Variants in CROCC2 observed in about 807,000 individuals in gnomAD.
CROCC2 encodes ciliary rootlet coiled-coil protein 2.
A neutral mutation model predicts 177.6 loss-of-function variants in CROCC2; 163 were observed. The ratio of observed to expected loss-of-function variants is 0.92; its 90% CI spans 0.81 to 1.05. The LOEUF (loss-of-function observed/expected upper bound fraction) is 1.05, where lower values mean the gene tolerates loss of function less well. CROCC2 is among the 50% of genes least tolerant of loss of function. The probability of loss-of-function intolerance (pLI) is 0.00; values close to 1 mark genes in which losing one functional copy is unlikely to be tolerated. For missense variants in CROCC2, 1,929 were observed against 1,797.8 expected (o/e 1.07, Z -1.32); for synonymous variants, 904 against 787.3 (o/e 1.15, Z -2.48).
rs191560142 is a variant in CROCC2, at chr2:240,983,011, G to A, written c.4533G>A (p.Ser1511=). 86 of 1,550,300 alleles carry A rather than the reference G, an allele frequency of 5.5e-5. No individual in the cohort carries two copies. The African/African-American group carries it at 7.1e-4, about 13-fold the overall frequency. ...LEHRCQKAEV[S]LEPLRQMEQE... ...ACAGGTGCCAGAAGGCTGAGGTATC[G>A]CTGGAGCCCCTGCGACAGGTGAGGG... Residue 1511 remains serine (S), a synonymous_variant, in exon 28 of 32, where the codon TCG becomes TCA. Coordinates refer to ENST00000690015, the MANE Select transcript of CROCC2 (RefSeq NM_001351305.2).
chr2:240,920,271 C>T (rs551499771), intron 3 of CROCC2, 137 bp downstream of exon 3: 4 of 580,400 alleles, frequency 6.9e-6, no homozygotes, highest in East Asian at 5.9e-5. Context: ...GTGTCAGCCA[C>T]GTGACATTCA....
rs6761629 is a variant in CROCC2 at position 240,958,026 on chromosome 2, G to A, written c.2944-1275G>A. The A allele has an allele frequency of 9.7e-3, 9,523 of 985,376 alleles. 573 individuals are homozygous for A. In the African/African-American group the frequency reaches 0.14, roughly 14 times the overall value. 61.0% of individuals were successfully genotyped at this position (985,376 alleles called of 1,614,324 possible). ...CTTGAGCTGGCCCTGAGTCTCCCCC[G>A]GACTCGGTACCAGGCCTGCCAGCCA... On this transcript the variant is annotated intron_variant, in intron 19 of 31. Coordinates refer to ENST00000690015, the MANE Select transcript of CROCC2 (RefSeq NM_001351305.2). The surrounding 1 kb of genome is among the most constrained non-coding windows in gnomAD (Gnocchi z 6.7).
At chr2:240,961,540 T>TCA (rs747511681) in intron 20 of CROCC2, among the ~76,000 whole-genome samples, 12 of 143,516 alleles carry the variant, frequency 8.4e-5, no homozygotes, top group Middle Eastern at 4.2e-3. Flanking sequence ...CTGCACTGGC[T>TCA]CACACACACA....
chr2:240,989,521 T>A, intron 29 of CROCC2, 133 bp from the exon 30 acceptor site: 1 of 845,238 alleles, frequency 1.2e-6, no homozygotes, highest in Non-Finnish European at 1.8e-6. Flanking sequence ...TGGGCAGTCC[T>A]GGCCAGGTCA....
Position 240,930,275 on chromosome 2 carries a change from T to C in CROCC2, c.749+6T>C. On this transcript the variant is annotated splice_donor_region_variant and intron_variant, in intron 6 of 31. Transcript: ENST00000690015. The stretch of plus-strand genomic sequence containing the variant: ...CTGCGTGTAGCCACTGAGAGGTGAG[T>C]GCCAGCCGCCCCACCTGGGGCCAGG... 1 of 510,062 alleles carries C rather than the reference T, an allele frequency of 2.0e-6. No individual in the cohort carries two copies. Among genetic ancestry groups the C allele is most frequent in the South Asian group, 3.1e-5 (1 of 32,040 alleles). 31.6% of individuals were successfully genotyped at this position (510,062 alleles called of 1,614,324 possible). A position where few individuals can be genotyped will look rare whatever the true frequency, so the allele number is the denominator to read the frequency against.
At position 240,943,388 on chromosome 2, in the gene CROCC2, G is replaced by A. The variant is rs920448802; in HGVS notation, c.2170-2672G>A. Among the ~76,000 whole-genome samples the A allele has an allele frequency of 5.9e-5, 9 of 151,782 alleles. No homozygotes were observed. In the East Asian group the frequency reaches 1.4e-3, roughly 23 times the overall value. On this transcript the variant is annotated intron_variant, in intron 14 of 31. Coordinates refer to ENST00000690015, the MANE Select transcript of CROCC2 (RefSeq NM_001351305.2). ...ATATCCGCTCTTCTTTTCGTTCCCC[G>A]GCTGCTTTGGTATATCTGAACTCTA...
Position 240,934,146 on chromosome 2 carries a change from C to T in CROCC2, c.1647-185C>T, listed in dbSNP as rs2059452053. Among the ~76,000 whole-genome samples, 3 of 152,250 alleles carry T rather than the reference C, an allele frequency of 2.0e-5. No individual in the cohort carries two copies. The South Asian group carries it at 6.2e-4, about 32-fold the overall frequency. The stretch of plus-strand genomic sequence containing the variant: ...GTCCCCCCGGAGGCACTTGTGCCTC[C>T]CCTGCCCCGGAAATGAAGCCTGGAA... On this transcript the variant is annotated intron_variant, in intron 11 of 31. Coordinates refer to ENST00000690015, the MANE Select transcript of CROCC2 (RefSeq NM_001351305.2).
chr2:240,921,045 T>G (rs1386832146), intron 3 of CROCC2, among the ~76,000 whole-genome samples: 2 of 152,148 alleles, frequency 1.3e-5, no homozygotes, highest in East Asian at 3.9e-4. Flanking sequence ...AGCCAGCCAG[T>G]GATCACCCAG....
At chr2:240,946,548 G>C (rs2059526042) in intron 15 of CROCC2, among the ~76,000 whole-genome samples, 1 of 152,192 alleles carries the variant, frequency 6.6e-6, no homozygotes, top group Admixed American at 6.5e-5. Context: ...TGCTCATGGA[G>C]CTGAGGAGTT....
intron 28 of CROCC2, chr2:240,983,338 G>A: frequency 7.9e-7 from 1 of 1,272,760 alleles, no homozygotes; most frequent in Non-Finnish European, 1.0e-6. Flanking sequence ...ATAAGTTGAG[G>A]CCAGAGCCAG....
At chr2:240,925,997 C>T in intron 5 of CROCC2, 117 bp downstream of exon 5, 3 of 600,872 alleles carry the variant, frequency 5.0e-6, no homozygotes, top group Non-Finnish European at 8.9e-6. Context: ...CTCTTGGGGA[C>T]GAGGCCACAG....
chr2:240,918,259 G>A lies in CROCC2; in HGVS notation c.79-467G>A, dbSNP rs564711083. Among the ~76,000 whole-genome samples, 4 of 152,138 alleles carry A rather than the reference G, an allele frequency of 2.6e-5. No homozygotes were observed. In the East Asian group the frequency reaches 7.8e-4, roughly 30 times the overall value. ...CCCAACAAACACACACAAACACACT[G>A]GGCTCTGTGACTGCTGCGTGGGATC... is the stretch of plus-strand genomic sequence containing the variant. On this transcript the variant is annotated intron_variant, in intron 1 of 31. Transcript: ENST00000690015. The surrounding 1 kb of genome is among the most constrained non-coding windows in gnomAD (Gnocchi z 6.3).
At position 240,918,376 on chromosome 2, in the gene CROCC2, C is replaced by T. The variant is rs899433443; in HGVS notation, c.79-350C>T. Among the ~76,000 whole-genome samples, 4 of 152,212 alleles carry T rather than the reference C, an allele frequency of 2.6e-5. No individual in the cohort carries two copies. Among genetic ancestry groups the T allele is most frequent in the African/African-American group, 9.6e-5 (4 of 41,456 alleles). On this transcript the variant is annotated intron_variant, in intron 1 of 31. Transcript: ENST00000690015. This position sits in a 1 kb window ranked among gnomAD's most constrained non-coding sequence, Gnocchi z 6.3. ...TGTTGGGTTTCTTGTGGAGCAGAGGCAAAGGAACCTGCCTGTCAGCATCCC... is the reference window on the plus strand; with the variant it reads ...TGTTGGGTTTCTTGTGGAGCAGAGGTAAAGGAACCTGCCTGTCAGCATCCC...
At chr2:240,944,808 G>T (rs1047525892) in intron 14 of CROCC2, among the ~76,000 whole-genome samples, 1 of 152,178 alleles carries the variant, frequency 6.6e-6, no homozygotes, top group African/African-American at 2.4e-5. Flanking sequence ...TTTTTGTCAT[G>T]TGGTCCTGTC....
intron 19 of CROCC2, chr2:240,957,840 T>C (rs994296176): frequency 1.4e-5 from 5 of 363,562 alleles, no homozygotes; most frequent in Non-Finnish European, 1.9e-5. Context: ...ATCGGGCCTG[T>C]GACCATGCCC....
In CROCC2 at chr2:240,933,361, T is replaced by A; in HGVS notation, c.1463+19T>A. The A allele has an allele frequency of 6.8e-7, 1 of 1,481,154 alleles. No homozygotes were observed. Among genetic ancestry groups the A allele is most frequent in the Non-Finnish European group, 8.9e-7 (1 of 1,117,362 alleles). 91.8% of individuals were successfully genotyped at this position (1,481,154 alleles called of 1,614,324 possible). A position where few individuals can be genotyped will look rare whatever the true frequency, so the allele number is the denominator to read the frequency against. ...TGGGGAGGTAATGGGGTGAAGGGGT[T>A]GCACGGCCTTGCACAGGGTGTATGG... On this transcript the variant is annotated intron_variant, in intron 10 of 31. Transcript: ENST00000690015.
At chr2:240,991,544 G>A (rs989546888) in intron 31 of CROCC2, among the ~76,000 whole-genome samples, 2 of 152,244 alleles carry the variant, frequency 1.3e-5, no homozygotes, top group Middle Eastern at 3.2e-3. Flanking sequence ...CTCTGAGCCC[G>A]CTGACCGCAG....
rs760220298 is a variant in CROCC2 at position 240,934,317 on chromosome 2, G to T, written c.1647-14G>T. Reference sequence around the variant, plus strand: ...ACCCTGAGCGACCTCCCGCCCTCTGGTCTGGGGCCTCAGTCAAGGCCGCCT... The same window carrying T: ...ACCCTGAGCGACCTCCCGCCCTCTGTTCTGGGGCCTCAGTCAAGGCCGCCT... On this transcript the variant is annotated splice_polypyrimidine_tract_variant and intron_variant, in intron 11 of 31. Coordinates refer to ENST00000690015, the MANE Select transcript of CROCC2 (RefSeq NM_001351305.2). 1.6e-5 allele frequency: 25 copies of T among 1,547,996 alleles called. No individual in the cohort carries two copies. The African/African-American group carries it at 3.3e-4, about 20-fold the overall frequency.
At chr2:240,920,283 A>G in intron 3 of CROCC2, 149 bp downstream of exon 3, 1 of 579,218 alleles carries the variant, frequency 1.7e-6, no homozygotes, top group Admixed American at 3.1e-5. Context: ...TGACATTCAA[A>G]CCCTGGGCAA....
Sources: allele counts gnomAD v4.1 joint callset (sites outside exome capture counted in the v4.1 genomes callset), GRCh38; gene constraint gnomAD v4.1.1; non-coding constraint Gnocchi (gnomAD v3.1); transcripts MANE v1.5; gene names NCBI Gene and HGNC (gene_info 2026-07-23, HGNC 2026-07-21).